NLGN1: variants seen among roughly 807,000 people sequenced by gnomAD.
The protein encoded by NLGN1 is neuroligin 1, also known as neuroligin-1.
A neutral mutation model predicts 65.5 loss-of-function variants in NLGN1; 12 were observed. The ratio of observed to expected loss-of-function variants is 0.18; its 90% CI spans 0.12 to 0.30. The LOEUF is 0.30. NLGN1 is among the 10% of genes least tolerant of loss of function. NLGN1 has a pLI of 1.00. For synonymous variants in NLGN1, 350 were observed against 359.5 expected, an observed-to-expected ratio of 0.97 and a Z score of 0.30; for missense variants, 750 against 1,007.1, an observed-to-expected ratio of 0.74 and a Z score of 3.46.
At chr3:173,499,041 A>C (rs1205456820) in intron 2 of NLGN1, among the ~76,000 whole-genome samples, 1 of 150,750 alleles carries the variant, frequency 6.6e-6, no homozygotes, top group African/African-American at 2.5e-5. Flanking sequence ...TTTGCTGTGC[A>C]GAAGCTCTTT....
Position 173,429,114 on chromosome 3 carries a change from G to A in NLGN1, c.-389-5896G>A, listed in dbSNP as rs372643024. 4.6e-5 allele frequency among the ~76,000 whole-genome samples: 7 copies of A among 152,002 alleles called. No homozygotes were observed. The South Asian group carries it at 1.0e-3, about 23-fold the overall frequency. ...CCTTGCTATTTCTCAACTCCCTCCT[G>A]GCGGTCGACGGCTATTAGATTTGCT... On this transcript the variant is annotated intron_variant, in intron 1 of 6. Coordinates refer to ENST00000457714, the Ensembl canonical transcript of NLGN1.
chr3:173,949,330 A>T (rs1747763065), intron 4 of NLGN1, among the ~76,000 whole-genome samples: 1 of 152,202 alleles, frequency 6.6e-6, no homozygotes, highest in South Asian at 2.1e-4. Context: ...GCAGTGATAC[A>T]TTTAAGAAAG....
chr3:173,744,627 AC>A (rs1205562996), intron 3 of NLGN1, among the ~76,000 whole-genome samples: 11 of 152,252 alleles, frequency 7.2e-5, no homozygotes, highest in African/African-American at 2.6e-4. Flanking sequence ...CACTACCACC[AC>A]CGTTAGAAAG....
At position 174,279,588 on chromosome 3, in the gene NLGN1, C is replaced by T. The variant is rs757245378; in HGVS notation, c.1587C>T (p.Ser529=). The change falls in exon 6 of 7, where the codon TCC becomes TCT. Residue 529 remains serine, a synonymous_variant. Transcript: ENST00000457714. The surrounding 1 kb of genome is among the most constrained non-coding windows in gnomAD (Gnocchi z 4.7). ...CAGAGTTATTTCCTTGCAATTTCTC[C>T]AAAAATGATGTGATGCTGAGTGCAG... 1 of 1,613,014 alleles carries T rather than the reference C, an allele frequency of 6.2e-7. No homozygotes were observed. Among genetic ancestry groups the T allele is most frequent in the Non-Finnish European group, 8.5e-7 (1 of 1,179,416 alleles).
intron 3 of NLGN1, among the ~76,000 whole-genome samples, chr3:173,803,879 CTG>C (rs1716026468): frequency 6.6e-6 from 1 of 152,062 alleles, no homozygotes; most frequent in Non-Finnish European, 1.5e-5. Context: ...AATTTTAAAA[CTG>C]TTAATTCTAA....
chr3:174,203,307 T>G (rs1734830842), intron 4 of NLGN1, among the ~76,000 whole-genome samples: 1 of 152,182 alleles, frequency 6.6e-6, no homozygotes, highest in South Asian at 2.1e-4. Flanking sequence ...AAAATCCTTA[T>G]TTGAAGGTCC....
chr3:174,060,463 T>C (rs1737154662), intron 4 of NLGN1, among the ~76,000 whole-genome samples: 1 of 152,132 alleles, frequency 6.6e-6, no homozygotes, highest in South Asian at 2.1e-4. Context: ...CCTTGAACAG[T>C]AGGACTTAAA....
At chr3:173,865,933 G>T (rs1730076229) in intron 4 of NLGN1, among the ~76,000 whole-genome samples, 1 of 152,002 alleles carries the variant, frequency 6.6e-6, no homozygotes, top group African/African-American at 2.4e-5. Flanking sequence ...ACTTTATTCT[G>T]CTATTAACCA....
intron 4 of NLGN1, among the ~76,000 whole-genome samples, chr3:174,027,672 A>G (rs763398747): frequency 6.6e-6 from 1 of 152,152 alleles, no homozygotes; most frequent in Non-Finnish European, 1.5e-5. Context: ...GCCCCCAAAT[A>G]TATTCAGGAT....
At chr3:173,690,155 TAAAA>T (rs1240606108) in intron 3 of NLGN1, among the ~76,000 whole-genome samples, 1 of 152,108 alleles carries the variant, frequency 6.6e-6, no homozygotes, top group African/African-American at 2.4e-5. Flanking sequence ...AGGCGACACT[TAAAA>T]AAGAAAATGA....
intron 3 of NLGN1, among the ~76,000 whole-genome samples, chr3:173,695,091 G>A (rs1766014717): frequency 6.6e-6 from 1 of 152,074 alleles, no homozygotes; most frequent in South Asian, 2.1e-4. Context: ...TTCCAGCTGG[G>A]TGTTAAAATT....
intron 4 of NLGN1, among the ~76,000 whole-genome samples, chr3:174,075,818 CT>C (rs1740786766): frequency 6.6e-6 from 1 of 152,046 alleles, no homozygotes; most frequent in African/African-American, 2.4e-5. Flanking sequence ...CTCAGTGGAA[CT>C]GAAGATAAGC....
chr3:173,553,963 A>G (rs1343036780), intron 2 of NLGN1, among the ~76,000 whole-genome samples: 1 of 152,208 alleles, frequency 6.6e-6, no homozygotes, highest in Non-Finnish European at 1.5e-5. Flanking sequence ...AAGTAGTGAG[A>G]AAGAGCAAGG....
intron 4 of NLGN1, among the ~76,000 whole-genome samples, chr3:173,866,283 C>T (rs1481676515): frequency 6.6e-6 from 1 of 152,094 alleles, no homozygotes; most frequent in Non-Finnish European, 1.5e-5. Flanking sequence ...ACCCGGGAGG[C>T]GGAGGTTGCA....
intron 1 of NLGN1, among the ~76,000 whole-genome samples, chr3:173,424,070 C>G (rs1356630241): frequency 6.6e-6 from 1 of 152,212 alleles, no homozygotes; most frequent in Non-Finnish European, 1.5e-5. Context: ...CATGTGGAAG[C>G]CACCAAGCTT....
chr3:173,462,250 A>T (rs565701111), intron 2 of NLGN1, among the ~76,000 whole-genome samples: 3 of 152,140 alleles, frequency 2.0e-5, no homozygotes, highest in Non-Finnish European at 2.9e-5. Context: ...TAAAGCTCCT[A>T]AAAGAGTGCC....
chr3:174,066,414 A>G (rs1262199102), intron 4 of NLGN1, among the ~76,000 whole-genome samples: 1 of 151,988 alleles, frequency 6.6e-6, no homozygotes, highest in East Asian at 1.9e-4. Context: ...AACCTGTTCC[A>G]AGGTTAAGTG....
intron 4 of NLGN1, among the ~76,000 whole-genome samples, chr3:174,137,447 A>G (rs1043407805): frequency 5.8e-4 from 88 of 152,152 alleles, no homozygotes; most frequent in African/African-American, 2.0e-3. Flanking sequence ...TTAACTAGCC[A>G]TATGACCTTG....
chr3:173,815,558 T>A (rs1036588441), intron 4 of NLGN1, among the ~76,000 whole-genome samples: 1 of 152,142 alleles, frequency 6.6e-6, no homozygotes, highest in South Asian at 2.1e-4. Context: ...CCTGCTTGTT[T>A]CGTGGTATCA....
Sources: gnomAD v4.1 joint callset for allele counts (sites outside exome capture counted in the v4.1 genomes callset) on GRCh38, gnomAD v4.1.1 for gene constraint, Gnocchi (gnomAD v3.1) non-coding constraint, MANE v1.5 for transcripts, NCBI Gene and HGNC (gene_info 2026-07-23, HGNC 2026-07-21) for gene names.